Variants in ALG6 observed in about 807,000 individuals in gnomAD.
ALG6 encodes ALG6 alpha-1,3-glucosyltransferase.
Under a neutral mutation model 66.6 loss-of-function variants are expected in ALG6, and 46 were observed. That is an observed-to-expected ratio of 0.69 (90% CI 0.55 to 0.88). The LOEUF (loss-of-function observed/expected upper bound fraction) is 0.88, where lower values mean the gene tolerates loss of function less well. Among genes scored for constraint, ALG6 ranks in the 40% least tolerant of loss-of-function variants. The pLI, the probability that ALG6 is intolerant of heterozygous loss-of-function variation, is 0.00. For missense variants in ALG6, 505 were observed against 586.8 expected, an observed-to-expected ratio of 0.86 and a Z score of 1.44; for synonymous variants, 185 against 203.7, an observed-to-expected ratio of 0.91 and a Z score of 0.78.
rs966828514 is a variant in ALG6 at position 63,401,982 on chromosome 1, G to T, written c.168-272G>T. Reference sequence around the variant, plus strand: ...CTCTCGTTACATGTTGGTTGAATTGGTTACAAACAATCCTATTCTTTTTGT... The same window carrying T: ...CTCTCGTTACATGTTGGTTGAATTGTTTACAAACAATCCTATTCTTTTTGT... On this transcript the variant is annotated intron_variant, in intron 3 of 14. Transcript: ENST00000263440. Among the ~76,000 whole-genome samples the T allele has an allele frequency of 3.3e-5, 5 of 152,072 alleles. No homozygotes were observed. In the East Asian group the frequency reaches 5.8e-4, roughly 18 times the overall value.
intron 2 of ALG6, among the ~76,000 whole-genome samples, chr1:63,381,550 A>C (rs1264637884): frequency 6.6e-6 from 1 of 151,676 alleles, no homozygotes; most frequent in Non-Finnish European, 1.5e-5. Context: ...GTGGGGGCTG[A>C]GGGGGGATCC....
intron 12 of ALG6, among the ~76,000 whole-genome samples, chr1:63,420,882 T>C (rs1644569590): frequency 6.7e-6 from 1 of 150,240 alleles, no homozygotes. Context: ...AAAAATTAAA[T>C]AAAAGTTCCT....
Position 63,423,446 on chromosome 1 carries a change from A to G in ALG6, c.1058+4006A>G, listed in dbSNP as rs147646979. On this transcript the variant is annotated intron_variant, in intron 12 of 14. Coordinates refer to ENST00000263440, the MANE Select transcript of ALG6 (RefSeq NM_013339.4). ...ACACTGTTGTGCAAGCATCACCACT[A>G]TCTACCTCCAGAACATCTTCATCAC... 9.7e-3 allele frequency among the ~76,000 whole-genome samples: 1,481 copies of G among 152,290 alleles called. 7 individuals are homozygous for G. Among genetic ancestry groups the G allele is most frequent in the Non-Finnish European group, 0.015 (1,008 of 68,020 alleles).
In ALG6 at chr1:63,428,967, C is replaced by T. The variant is rs1644631275; in HGVS notation, c.1167C>T (p.Pro389=). 6.2e-7 allele frequency: 1 copy of T among 1,613,220 alleles called. No homozygotes were observed. The highest frequency in any genetic ancestry group is 8.5e-7 in the Non-Finnish European group (1 of 1,179,672). Residue 389 remains proline (P), a synonymous_variant, in exon 14 of 15, where the codon CCC becomes CCT. Transcript: ENST00000263440. ...PLLLKDELLM[P]SVVTTMAFFI... The stretch of plus-strand genomic sequence containing the variant: ...TATTGAAGGATGAACTCCTAATGCC[C>T]TCTGTTGTGACAACAATGGCATTTT...
intron 2 of ALG6, among the ~76,000 whole-genome samples, chr1:63,389,331 A>G (rs1376728892): frequency 1.3e-5 from 2 of 151,818 alleles, no homozygotes; most frequent in Non-Finnish European, 2.9e-5. Context: ...TGAGCTTACT[A>G]ATTCTTTCTT....
chr1:63,384,568 C>T (rs1302258162), intron 2 of ALG6, among the ~76,000 whole-genome samples: 1 of 152,130 alleles, frequency 6.6e-6, no homozygotes, highest in Non-Finnish European at 1.5e-5. Context: ...TTGCCCAGAC[C>T]AATGTCCTAG....
chr1:63,415,877 T>C lies in ALG6; in HGVS notation c.907T>C (p.Cys303Arg). 1 of 1,601,978 alleles carries C rather than the reference T, an allele frequency of 6.2e-7. No homozygotes were observed. Among genetic ancestry groups the C allele is most frequent in the Non-Finnish European group, 8.5e-7 (1 of 1,169,754 alleles). The change falls in exon 11 of 15, where the codon TGT (cysteine) becomes CGT (arginine). Residue 303 changes from cysteine (C) to arginine (R), a missense_variant. Transcript: ENST00000263440. ...TGATTTGTATTAATTTTTTAGCTTT[T>C]GTTCTACGTTTTTGAGCCTGCTTCC... Reference protein sequence around the residue: ...PRHIQLIMSFCSTFLSLLPAC... With the variant: ...PRHIQLIMSFRSTFLSLLPAC...
chr1:63,398,850 T>C (rs1644427840), intron 3 of ALG6, among the ~76,000 whole-genome samples: 1 of 152,188 alleles, frequency 6.6e-6, no homozygotes, highest in South Asian at 2.1e-4. Context: ...ATTTTTGTAA[T>C]GATTTGTATG....
At chr1:63,422,075 CTATATAAATAAA>C (rs945398937) in intron 12 of ALG6, among the ~76,000 whole-genome samples, 18 of 120,190 alleles carry the variant, frequency 1.5e-4, no homozygotes, top group Admixed American at 1.4e-3. Context: ...ATATAAATAT[CTATATAAATAAA>C]TATATAAATA....
At chr1:63,430,560 TTTG>T (rs750311392) in intron 14 of ALG6, among the ~76,000 whole-genome samples, 12 of 152,310 alleles carry the variant, frequency 7.9e-5, no homozygotes, top group South Asian at 2.1e-4. Flanking sequence ...TTTCACAGCA[TTTG>T]TTGTCTTTTT....
chr1:63,403,766 G>T (rs1271122264), intron 4 of ALG6, among the ~76,000 whole-genome samples: 1 of 152,146 alleles, frequency 6.6e-6, no homozygotes, highest in Admixed American at 6.6e-5. Flanking sequence ...ACTGTAGGCA[G>T]TTGTAACACA....
intron 12 of ALG6, among the ~76,000 whole-genome samples, chr1:63,423,138 A>G (rs1056850768): frequency 6.6e-6 from 1 of 150,640 alleles, no homozygotes; most frequent in Non-Finnish European, 1.5e-5. Flanking sequence ...ATTCTCCCAC[A>G]TCAGCCTCCC....
rs200396808 is a variant in ALG6, at chr1:63,402,212, T to C, written c.168-42T>C. The C allele has an allele frequency of 1.0e-4, 123 of 1,174,514 alleles. 1 individual carries two copies. In the African/African-American group the frequency reaches 1.6e-3, roughly 16 times the overall value. 72.8% of individuals were successfully genotyped at this position (1,174,514 alleles called of 1,614,324 possible). ...AAATTATAAGTCTACTTCTTGAATA[T>C]TGATTAACGGAATGGTGCTTTCTTC... On this transcript the variant is annotated intron_variant, in intron 3 of 14. Transcript: ENST00000263440.
At chr1:63,381,897 T>C (rs74408980) in intron 2 of ALG6, among the ~76,000 whole-genome samples, 1,896 of 152,268 alleles carry the variant, frequency 0.012, 33 homozygotes, top group African/African-American at 0.043. Context: ...GAGTTTTCAC[T>C]ATGTTGCCCA....
chr1:63,374,056 C>T (rs1405567450), intron 2 of ALG6, among the ~76,000 whole-genome samples: 4 of 152,148 alleles, frequency 2.6e-5, no homozygotes, highest in African/African-American at 9.7e-5. Flanking sequence ...CCACTGAAGA[C>T]AGGTAATATC....
chr1:63,402,180 C>CAATG lies in ALG6; in HGVS notation c.168-73_168-70dup, dbSNP rs1393920524. On this transcript the variant is annotated intron_variant, in intron 3 of 14. Transcript: ENST00000263440. ...TTATTAAGCTTAGATAAGTGAGGTG[C>CAATG]AATGTTAAATTATAAGTCTACTTCT... is the stretch of plus-strand genomic sequence containing the variant. 21 of 887,818 alleles carry CAATG rather than the reference C, an allele frequency of 2.4e-5. No homozygotes were observed. The African/African-American group carries it at 3.4e-4, about 15-fold the overall frequency. 55.0% of individuals were successfully genotyped at this position (887,818 alleles called of 1,614,324 possible). A position where few individuals can be genotyped will look rare whatever the true frequency, so the allele number is the denominator to read the frequency against.
intron 14 of ALG6, among the ~76,000 whole-genome samples, chr1:63,429,357 C>A (rs373001437): frequency 1.3e-5 from 2 of 152,188 alleles, no homozygotes; most frequent in Non-Finnish European, 2.9e-5. Context: ...TACCCATTAG[C>A]ATTCATTCCC....
rs552289718 is a variant in ALG6, at chr1:63,427,824, C to T, written c.1059-909C>T. Among the ~76,000 whole-genome samples, 15 of 137,462 alleles carry T rather than the reference C, an allele frequency of 1.1e-4. No homozygotes were observed. In the South Asian group the frequency reaches 1.2e-3, roughly 11 times the overall value. 90.2% of individuals were successfully genotyped at this position (137,462 alleles called of 152,430 possible). On this transcript the variant is annotated intron_variant, in intron 12 of 14. Transcript: ENST00000263440. The stretch of plus-strand genomic sequence containing the variant: ...TTTTTTTTTTTTGGAGATGGAGTCT[C>T]GCCCTGTCATCTCACTCTGTTGCCC...
chr1:63,386,519 A>G (rs1303615042), intron 2 of ALG6, among the ~76,000 whole-genome samples: 2 of 151,350 alleles, frequency 1.3e-5, no homozygotes, highest in Non-Finnish European at 2.9e-5. Context: ...CAGGTTTTGG[A>G]TTTCTTCCTG....
Sources: allele counts gnomAD v4.1 joint callset (sites outside exome capture counted in the v4.1 genomes callset), GRCh38; gene constraint gnomAD v4.1.1; transcripts MANE v1.5; gene names NCBI Gene and HGNC (gene_info 2026-07-23, HGNC 2026-07-21).